The following TIAM1 variants were observed in gnomAD, a reference collection of about 807,000 sequenced individuals.
The protein encoded by TIAM1 is rho guanine nucleotide exchange factor TIAM1.
In TIAM1, 65 loss-of-function variants were observed where a neutral mutation model predicts 163.5. The observed-to-expected ratio is 0.40, with a 90% CI of 0.33 to 0.49. TIAM1 has a LOEUF of 0.49. Among genes scored for constraint, TIAM1 ranks in the 20% least tolerant of loss-of-function variants. The pLI is 0.77. For missense variants in TIAM1, 1,789 were observed against 2,044.7 expected, an observed-to-expected ratio of 0.87 and a Z score of 2.41; for synonymous variants, 833 against 810.1, an observed-to-expected ratio of 1.03 and a Z score of -0.48.
chr21:31,395,506 C>T lies in TIAM1; in HGVS notation c.-368-56084G>A, dbSNP rs1569294669. On this transcript the variant is annotated intron_variant, in intron 2 of 28. Coordinates refer to the TIAM1 transcript ENST00000286827. The surrounding 1 kb of genome is among the most constrained non-coding windows in gnomAD (Gnocchi z 7.5). ...GAGGTCATCTAAACACAGCCAATCACCAGATACGCCACAGAGGCGAAGAGA... is the reference window on the plus strand; with the variant it reads ...GAGGTCATCTAAACACAGCCAATCATCAGATACGCCACAGAGGCGAAGAGA... Among the ~76,000 whole-genome samples, 1 of 152,138 alleles carries T rather than the reference C, an allele frequency of 6.6e-6. No individual in the cohort carries two copies. Among genetic ancestry groups the T allele is most frequent in the Non-Finnish European group, 1.5e-5 (1 of 68,034 alleles).
At chr21:31,329,551 A>G (rs1303737519) in intron 2 of TIAM1, among the ~76,000 whole-genome samples, 1 of 98,886 alleles carries the variant, frequency 1.0e-5, no homozygotes, top group Non-Finnish European at 2.2e-5. Context: ...TGTGGCTAAC[A>G]CGGCATCTAC....
upstream of TIAM1, among the ~76,000 whole-genome samples, chr21:31,346,998 G>A (rs1410156895): frequency 1.3e-5 from 2 of 152,178 alleles, no homozygotes; most frequent in African/African-American, 2.4e-5. Context: ...TAAAGGGGAC[G>A]TGGGGGAACA....
chr21:31,220,848 T>C (rs1421670963), intron 8 of TIAM1, among the ~76,000 whole-genome samples: 1 of 152,242 alleles, frequency 6.6e-6, no homozygotes, highest in Non-Finnish European at 1.5e-5. Flanking sequence ...CTGATTACTC[T>C]ATCATTCTGC....
chr21:31,529,068 C>CCCA (rs1343931282), intron 1 of TIAM1, among the ~76,000 whole-genome samples: 7 of 151,218 alleles, frequency 4.6e-5, no homozygotes, highest in East Asian at 4.0e-4. Context: ...ACTACAGGCG[C>CCCA]CCACCATGCC....
intron 1 of TIAM1, among the ~76,000 whole-genome samples, chr21:31,474,556 T>G (rs1369933180): frequency 6.6e-6 from 1 of 151,818 alleles, no homozygotes; most frequent in Non-Finnish European, 1.5e-5. Flanking sequence ...CTTTTTTTTT[T>G]TTTTTTGAGA....
chr21:31,355,896 C>T (rs924815501), intron 2 of TIAM1, among the ~76,000 whole-genome samples: 3 of 152,136 alleles, frequency 2.0e-5, no homozygotes, highest in Non-Finnish European at 2.9e-5. Context: ...TCTTATTTTA[C>T]TCTTTTTCTT....
chr21:31,425,971 G>A (rs1308559218), intron 2 of TIAM1, among the ~76,000 whole-genome samples: 3 of 152,102 alleles, frequency 2.0e-5, no homozygotes, highest in Non-Finnish European at 4.4e-5. Flanking sequence ...GACCTCAGGT[G>A]ATCCACCTGC....
intron 15 of TIAM1, among the ~76,000 whole-genome samples, chr21:31,168,731 T>C (rs1051592592): frequency 6.6e-6 from 1 of 152,170 alleles, no homozygotes; most frequent in African/African-American, 2.4e-5. Flanking sequence ...ACTGACTTCA[T>C]ATGTTTGTAT....
intron 2 of TIAM1, among the ~76,000 whole-genome samples, chr21:31,366,085 C>CAA (rs869163144): frequency 0.013 from 885 of 69,300 alleles, 34 homozygotes; most frequent in African/African-American, 0.031. Flanking sequence ...GACTCTGTCT[C>CAA]AAAAAAAAAA....
At chr21:31,357,400 A>G (rs187711202) in intron 2 of TIAM1, among the ~76,000 whole-genome samples, 8 of 152,190 alleles carry the variant, frequency 5.3e-5, no homozygotes, top group Non-Finnish European at 1.2e-4. Flanking sequence ...ACAAACTTCT[A>G]AGACTATATA....
At position 31,266,959 on chromosome 21, in the gene TIAM1, T is replaced by C. The variant is rs750165787; in HGVS notation, c.14A>G (p.Glu5Gly). 2.5e-6 allele frequency: 4 copies of C among 1,603,620 alleles called. No homozygotes were observed. In the East Asian group the frequency reaches 6.7e-5, roughly 27 times the overall value. Residue 5 changes from glutamate (E) to glycine (G), a missense_variant, in exon 4 of 28, where the codon GAA becomes GGA. Transcript: ENST00000541036. ...AAACTCGTGCTCTACATGTTGACTT[T>C]CTGCGTTTCCCATGGTTTTATGGTC... MGNAESQHVEHEFYG... is the reference protein window; with the variant it reads MGNAGSQHVEHEFYG...
chr21:31,319,351 A>G (rs1332401668), intron 2 of TIAM1, among the ~76,000 whole-genome samples: 2 of 152,200 alleles, frequency 1.3e-5, no homozygotes, highest in Non-Finnish European at 2.9e-5. Context: ...TAGTAATTCT[A>G]TGTTTAACAT....
intron 2 of TIAM1, among the ~76,000 whole-genome samples, chr21:31,441,862 A>T (rs1302548118): frequency 1.4e-5 from 2 of 142,276 alleles, no homozygotes; most frequent in Admixed American, 1.5e-4. Context: ...TAGCCTGGGC[A>T]GCATGGTGAA....
At chr21:31,463,335 TCA>T (rs1279118068) in intron 2 of TIAM1, among the ~76,000 whole-genome samples, 2 of 152,058 alleles carry the variant, frequency 1.3e-5, no homozygotes, top group Non-Finnish European at 2.9e-5. Context: ...CTCTCACACT[TCA>T]CACTCCGCCC....
chr21:31,392,001 C>T (rs1328894934), intron 2 of TIAM1, among the ~76,000 whole-genome samples: 2 of 152,166 alleles, frequency 1.3e-5, no homozygotes, highest in Admixed American at 6.5e-5. Context: ...AGATATTCAA[C>T]ACTTTATTAT....
intron 2 of TIAM1, among the ~76,000 whole-genome samples, chr21:31,331,957 T>A (rs528410146): frequency 6.6e-6 from 1 of 152,336 alleles, no homozygotes; most frequent in South Asian, 2.1e-4. Context: ...AGCGAAAACA[T>A]AATCCGTGTC....
intron 1 of TIAM1, among the ~76,000 whole-genome samples, chr21:31,538,413 T>C (rs1416392870): frequency 6.6e-6 from 1 of 152,200 alleles, no homozygotes; most frequent in African/African-American, 2.4e-5. Flanking sequence ...TGTCATGGCA[T>C]GCGCCTGTAG....
intron 12 of TIAM1, among the ~76,000 whole-genome samples, chr21:31,197,541 T>C (rs944137565): frequency 1.4e-5 from 2 of 142,754 alleles, no homozygotes; most frequent in South Asian, 2.2e-4. Context: ...GCGCCCGGCT[T>C]TTTTTTTTTT....
chr21:31,473,245 C>T (rs548554247), intron 1 of TIAM1, among the ~76,000 whole-genome samples: 6 of 151,992 alleles, frequency 3.9e-5, no homozygotes, highest in South Asian at 2.1e-4. Flanking sequence ...CTGGCTAACA[C>T]GGTGAAACCC....
Sources: allele counts gnomAD v4.1 joint callset (sites outside exome capture counted in the v4.1 genomes callset), GRCh38; gene constraint gnomAD v4.1.1; non-coding constraint Gnocchi (gnomAD v3.1); transcripts MANE v1.5; gene names NCBI Gene and HGNC (gene_info 2026-07-23, HGNC 2026-07-21).